Variants in RBPMS2 observed in about 807,000 individuals in gnomAD.
RBPMS2 encodes RNA binding protein, mRNA processing factor 2.
A neutral mutation model predicts 25.7 loss-of-function variants in RBPMS2; 14 were observed. That is an observed-to-expected ratio of 0.55 (90% CI 0.36 to 0.85). The LOEUF (loss-of-function observed/expected upper bound fraction) is 0.85. RBPMS2 is among the 40% of genes least tolerant of loss of function. The pLI, the probability that RBPMS2 is intolerant of heterozygous loss-of-function variation, is 0.01. For synonymous variants in RBPMS2, 127 were observed against 115.6 expected (o/e 1.10, Z -0.63); for missense variants, 252 against 283.4 (o/e 0.89, Z 0.80).
rs185455797 is a variant in RBPMS2, at chr15:64,768,464, C to T, written c.87+6769G>A. 2.0e-4 allele frequency among the ~76,000 whole-genome samples: 31 copies of T among 152,186 alleles called. No homozygotes were observed. The East Asian group carries it at 4.6e-3, about 23-fold the overall frequency. On this transcript the variant is annotated intron_variant, in intron 1 of 7. Transcript: ENST00000300069. Reference sequence around the variant, plus strand: ...GACCAGCCTGCCAACATGGTGAAACCTCATCTCTACTAAAAATACAAAACT... The same window carrying T: ...GACCAGCCTGCCAACATGGTGAAACTTCATCTCTACTAAAAATACAAAACT...
At chr15:64,750,429 G>C (rs542881786) in intron 2 of RBPMS2, 48 bp from the exon 3 acceptor site, 1 of 1,551,438 alleles carries the variant, frequency 6.4e-7, no homozygotes, top group East Asian at 2.2e-5. Flanking sequence ...AGCGTATGTT[G>C]TGCTAGCCCA....
intron 1 of RBPMS2, among the ~76,000 whole-genome samples, chr15:64,774,193 C>T (rs1203081828): frequency 2.0e-5 from 3 of 152,200 alleles, no homozygotes; most frequent in Non-Finnish European, 4.4e-5. Context: ...CTCCCCCAGG[C>T]CAAGGGGAAG....
intron 1 of RBPMS2, among the ~76,000 whole-genome samples, chr15:64,762,203 G>A (rs984770789): frequency 2.0e-5 from 3 of 152,162 alleles, no homozygotes; most frequent in Non-Finnish European, 4.4e-5. Flanking sequence ...GGTGATGGTG[G>A]CGATGGCAGG....
chr15:64,772,895 T>C (rs1045926553), intron 1 of RBPMS2, among the ~76,000 whole-genome samples: 2 of 152,150 alleles, frequency 1.3e-5, no homozygotes, highest in Non-Finnish European at 2.9e-5. Context: ...TTAATGCGTA[T>C]GACATGGATA....
At chr15:64,764,934 A>G (rs1483698709) in intron 1 of RBPMS2, among the ~76,000 whole-genome samples, 11 of 129,794 alleles carry the variant, frequency 8.5e-5, no homozygotes, top group African/African-American at 1.5e-4. Context: ...AAAAAAAAAA[A>G]AAGAAGAACT....
intron 1 of RBPMS2, among the ~76,000 whole-genome samples, chr15:64,763,603 C>G (rs998711224): frequency 1.3e-5 from 2 of 152,172 alleles, no homozygotes; most frequent in Non-Finnish European, 2.9e-5. Context: ...TTTACACAAA[C>G]CATCAGCATG....
chr15:64,741,697 C>T (rs2083563588), intron 6 of RBPMS2, among the ~76,000 whole-genome samples: 2 of 152,154 alleles, frequency 1.3e-5, no homozygotes, highest in African/African-American at 4.8e-5. Context: ...ACAGAAATGA[C>T]GAAGTCATAT....
Position 64,750,196 on chromosome 15 carries a change from G to A in RBPMS2, c.204+147C>T. 8 of 764,554 alleles carry A rather than the reference G, an allele frequency of 1.0e-5. 1 individual carries two copies. The South Asian group carries it at 1.2e-4, about 12-fold the overall frequency. 47.4% of individuals were successfully genotyped at this position (764,554 alleles called of 1,614,324 possible). ...CAGTGAAGAGACAGTGGGACCTACA[G>A]AGGCTGCTCTGTCAGAAACAGGACA... On this transcript the variant is annotated intron_variant, in intron 3 of 7. Transcript: ENST00000300069.
At chr15:64,745,593 G>C (rs942866309) in intron 6 of RBPMS2, among the ~76,000 whole-genome samples, 5 of 152,176 alleles carry the variant, frequency 3.3e-5, no homozygotes, top group African/African-American at 1.2e-4. Flanking sequence ...GGAGGACCGT[G>C]GGATGCAATA....
chr15:64,747,091 G>C (rs2083623904), intron 6 of RBPMS2, among the ~76,000 whole-genome samples: 1 of 152,166 alleles, frequency 6.6e-6, no homozygotes, highest in African/African-American at 2.4e-5. Context: ...CTTATCCTCT[G>C]ATCAATTTTC....
At chr15:64,773,083 CT>C (rs2083903536) in intron 1 of RBPMS2, among the ~76,000 whole-genome samples, 1 of 152,214 alleles carries the variant, frequency 6.6e-6, no homozygotes, top group African/African-American at 2.4e-5. Flanking sequence ...GTTTCCTGGG[CT>C]TGCTCTCGCT....
intron 1 of RBPMS2, among the ~76,000 whole-genome samples, chr15:64,754,607 G>A (rs187771500): frequency 7.7e-4 from 116 of 150,772 alleles, no homozygotes; most frequent in African/African-American, 2.6e-3. Flanking sequence ...GCAAAACTCC[G>A]TCTCAAAAAA....
rs1400683546 is a variant in RBPMS2 at position 64,741,036 on chromosome 15, C to T, written c.*8-36G>A. ...GGAGAGAGGCGGCCGTGAGCAGAGG[C>T]GTGGGACTAGAGCTAAAGCCAGGCC... is the stretch of plus-strand genomic sequence containing the variant. On this transcript the variant is annotated intron_variant, in intron 7 of 7. Coordinates refer to ENST00000300069, the MANE Select transcript of RBPMS2 (RefSeq NM_194272.3). 2.4e-5 allele frequency: 15 copies of T among 625,010 alleles called. No homozygotes were observed. The South Asian group carries it at 2.9e-4, about 12-fold the overall frequency. The allele number at this position is 625,010 out of a possible 1,614,324, so 38.7% of individuals were successfully genotyped here. A position where few individuals can be genotyped will look rare whatever the true frequency, so the allele number is the denominator to read the frequency against.
intron 6 of RBPMS2, among the ~76,000 whole-genome samples, chr15:64,744,468 G>GA (rs1479742831): frequency 4.7e-5 from 7 of 149,694 alleles, no homozygotes; most frequent in Admixed American, 4.0e-4. Flanking sequence ...TGAGGCAGAA[G>GA]AATCACTTGA....
intron 7 of RBPMS2, 60 bp downstream of exon 7, chr15:64,741,113 G>A (rs1017355030): frequency 2.1e-5 from 28 of 1,323,440 alleles, no homozygotes; most frequent in African/African-American, 2.9e-5. Context: ...GAGGAACTAC[G>A]GCCCTTCAGG....
At chr15:64,774,255 G>C (rs2083911922) in intron 1 of RBPMS2, among the ~76,000 whole-genome samples, 2 of 152,252 alleles carry the variant, frequency 1.3e-5, no homozygotes, top group African/African-American at 4.8e-5. Flanking sequence ...GAACATGCCA[G>C]GGCAGGGGCA....
At chr15:64,747,936 C>G (rs1330878949) in intron 6 of RBPMS2, among the ~76,000 whole-genome samples, 1 of 152,124 alleles carries the variant, frequency 6.6e-6, no homozygotes, top group Non-Finnish European at 1.5e-5. Flanking sequence ...GTCACTTCGT[C>G]TTGACATCTA....
chr15:64,743,739 G>A (rs1246393864), intron 6 of RBPMS2, among the ~76,000 whole-genome samples: 4 of 152,190 alleles, frequency 2.6e-5, no homozygotes, highest in African/African-American at 7.2e-5. Context: ...AAACTCAGCC[G>A]TCTCTCAGAT....
At chr15:64,742,324 C>G (rs1171885717) in intron 6 of RBPMS2, among the ~76,000 whole-genome samples, 1 of 152,220 alleles carries the variant, frequency 6.6e-6, no homozygotes, top group East Asian at 1.9e-4. Context: ...GTGCCATGCC[C>G]TCCATCACAA....
Sources: allele counts gnomAD v4.1 joint callset (sites outside exome capture counted in the v4.1 genomes callset), GRCh38; gene constraint gnomAD v4.1.1; transcripts MANE v1.5; gene names NCBI Gene and HGNC (gene_info 2026-07-23, HGNC 2026-07-21).